Variants in RIMS2 observed in about 807,000 individuals in gnomAD.
RIMS2 encodes the protein regulating synaptic membrane exocytosis 2, also known as regulating synaptic membrane exocytosis protein 2.
In RIMS2, 59 loss-of-function variants were observed where a neutral mutation model predicts 174.4. The ratio of observed to expected loss-of-function variants is 0.34; its 90% CI spans 0.27 to 0.42. RIMS2 has a LOEUF of 0.42. Ranked by LOEUF, RIMS2 falls within the 10% of genes least tolerant of loss-of-function variation. The probability of loss-of-function intolerance (pLI) is 1.00; values close to 1 mark genes in which losing one functional copy is unlikely to be tolerated. For synonymous variants in RIMS2, 606 were observed against 572.5 expected (o/e 1.06, Z -0.84); for missense variants, 1,620 against 1,666.3 (o/e 0.97, Z 0.48).
chr8:103,799,382 A>G (rs75028128), intron 3 of RIMS2, among the ~76,000 whole-genome samples: 1,569 of 152,282 alleles, frequency 0.01, 30 homozygotes, highest in African/African-American at 0.036. Flanking sequence ...GTGATGGACA[A>G]TCTAGGCTAT....
intron 4 of RIMS2, among the ~76,000 whole-genome samples, chr8:103,909,503 TAAGTA>T (rs929275884): frequency 3.3e-5 from 5 of 152,238 alleles, no homozygotes; most frequent in African/African-American, 9.6e-5. Context: ...TCATGATGTT[TAAGTA>T]AAGTTTATTT....
chr8:104,124,758 G>C (rs1450011409), intron 19 of RIMS2, among the ~76,000 whole-genome samples: 1 of 152,198 alleles, frequency 6.6e-6, no homozygotes, highest in Admixed American at 6.5e-5. Context: ...CTTGGAGAAT[G>C]TCCAGCTTTA....
rs1272975359 is a variant in RIMS2 at position 103,912,970 on chromosome 8, G to GTTT, written c.1812+816_1812+818dup. 3.9e-3 allele frequency among the ~76,000 whole-genome samples: 450 copies of GTTT among 114,808 alleles called. 6 individuals carry two copies. Among genetic ancestry groups the GTTT allele is most frequent in the South Asian group, 5.3e-3 (18 of 3,422 alleles). The allele number at this position is 114,808 out of a possible 152,430, so 75.3% of individuals were successfully genotyped here. Reference sequence around the variant, plus strand: ...CTGTCTCTAGCAAACTTTTTTTGTTGTTTTTTTTTTTTTTTTTTTTGAGAT... The same window carrying GTTT: ...CTGTCTCTAGCAAACTTTTTTTGTTGTTTTTTTTTTTTTTTTTTTTTTTGAGAT... On this transcript the variant is annotated intron_variant, in intron 6 of 23. Transcript: ENST00000504942.
chr8:103,789,745 T>C (rs1291236436), intron 3 of RIMS2, among the ~76,000 whole-genome samples: 2 of 137,570 alleles, frequency 1.5e-5, no homozygotes, highest in Non-Finnish European at 3.0e-5. Context: ...TGATGGATTG[T>C]ACTCTTTTTT....
chr8:103,717,396 G>T (rs71520845), intron 2 of RIMS2, among the ~76,000 whole-genome samples: 1 of 151,286 alleles, frequency 6.6e-6, no homozygotes. Flanking sequence ...ACATGTCCCA[G>T]ACTGTGCGTC....
At chr8:103,990,616 A>C (rs1004500757) in intron 17 of RIMS2, among the ~76,000 whole-genome samples, 1 of 152,032 alleles carries the variant, frequency 6.6e-6, no homozygotes, top group Non-Finnish European at 1.5e-5. Flanking sequence ...TGGCATGATT[A>C]GGAGTTGAAA....
In RIMS2 at chr8:103,791,248, G is replaced by A. The variant is rs184188814; in HGVS notation, c.698+24711G>A. 1.3e-5 allele frequency among the ~76,000 whole-genome samples: 2 copies of A among 152,296 alleles called. 1 individual carries two copies. The highest frequency in any genetic ancestry group is 1.3e-4 in the Admixed American group (2 of 15,290). ...TTTGCAGAAACTTTAGAAGCCAGAA[G>A]AGAATAGGGGCCAATATTCAACATT... On this transcript the variant is annotated intron_variant, in intron 3 of 23. Transcript: ENST00000504942.
chr8:103,504,370 C>A (rs1273012925), intron 1 of RIMS2, among the ~76,000 whole-genome samples: 1 of 151,864 alleles, frequency 6.6e-6, no homozygotes. Flanking sequence ...AATGAGGTAG[C>A]TTATCAATTT....
intron 19 of RIMS2, among the ~76,000 whole-genome samples, chr8:104,231,199 T>C (rs913401355): frequency 6.6e-6 from 1 of 152,134 alleles, no homozygotes; most frequent in Non-Finnish European, 1.5e-5. Context: ...CTCTCTCCCT[T>C]CTGGACCAAT....
At chr8:104,165,290 C>G (rs2098790241) in intron 19 of RIMS2, among the ~76,000 whole-genome samples, 1 of 152,136 alleles carries the variant, frequency 6.6e-6, no homozygotes, top group Non-Finnish European at 1.5e-5. Flanking sequence ...CCTTCTTATT[C>G]TGAGTTATCC....
chr8:103,863,275 T>C (rs563950175), intron 3 of RIMS2, among the ~76,000 whole-genome samples: 1 of 152,194 alleles, frequency 6.6e-6, no homozygotes, highest in Non-Finnish European at 1.5e-5. Flanking sequence ...ATTTATTGAG[T>C]TGCTTATATT....
chr8:103,602,178 G>A (rs936504995), intron 1 of RIMS2, among the ~76,000 whole-genome samples: 12 of 152,012 alleles, frequency 7.9e-5, no homozygotes, highest in Admixed American at 1.3e-4. Flanking sequence ...TAGTAGAGAC[G>A]GGGTTTCACC....
At chr8:104,104,408 T>C (rs2097988017) in intron 19 of RIMS2, among the ~76,000 whole-genome samples, 1 of 151,532 alleles carries the variant, frequency 6.6e-6, no homozygotes, top group Non-Finnish European at 1.5e-5. Flanking sequence ...TATTGAGGAG[T>C]GGGAGTTTTG....
chr8:103,815,478 G>A (rs529939176), intron 3 of RIMS2, among the ~76,000 whole-genome samples: 2 of 152,210 alleles, frequency 1.3e-5, no homozygotes, highest in East Asian at 3.9e-4. Flanking sequence ...CATTTCCAGT[G>A]AGACTCTAAA....
intron 19 of RIMS2, among the ~76,000 whole-genome samples, chr8:104,051,888 A>G (rs1164817304): frequency 2.0e-5 from 3 of 152,348 alleles, no homozygotes; most frequent in African/African-American, 7.2e-5. Flanking sequence ...TTCCTGGGAT[A>G]TACAGAGTAT....
chr8:103,534,474 C>A (rs12674650), intron 1 of RIMS2, among the ~76,000 whole-genome samples: 1 of 152,184 alleles, frequency 6.6e-6, no homozygotes, highest in Non-Finnish European at 1.5e-5. Flanking sequence ...AGGCAAATGT[C>A]TAGAGAAGTC....
chr8:104,168,469 T>A (rs1235928205), intron 19 of RIMS2, among the ~76,000 whole-genome samples: 2 of 152,152 alleles, frequency 1.3e-5, no homozygotes, highest in Non-Finnish European at 2.9e-5. Context: ...TCAGCTTGGT[T>A]GTCATTGGTG....
intron 19 of RIMS2, among the ~76,000 whole-genome samples, chr8:104,237,435 A>G (rs2099264413): frequency 6.6e-6 from 1 of 152,176 alleles, no homozygotes; most frequent in South Asian, 2.1e-4. Flanking sequence ...TGAGTCATAC[A>G]TACATCAGCT....
chr8:104,170,646 C>A (rs375243706), intron 19 of RIMS2, among the ~76,000 whole-genome samples: 1 of 151,970 alleles, frequency 6.6e-6, no homozygotes, highest in Admixed American at 6.6e-5. Flanking sequence ...AGCCTTTAGG[C>A]CAGTTACATT....
Sources: gnomAD v4.1 joint callset for allele counts (sites outside exome capture counted in the v4.1 genomes callset) on GRCh38, gnomAD v4.1.1 for gene constraint, MANE v1.5 for transcripts, NCBI Gene and HGNC (gene_info 2026-07-23, HGNC 2026-07-21) for gene names.